Variants in SCFD2 observed in about 807,000 individuals in gnomAD.
The protein encoded by SCFD2 is sec1 family domain-containing protein 2.
Under a neutral mutation model 58.9 loss-of-function variants are expected in SCFD2, and 54 were observed. That is an observed-to-expected ratio of 0.92 (90% CI 0.74 to 1.15). SCFD2 has a LOEUF of 1.15. Among genes scored for constraint, SCFD2 ranks in the 50% most tolerant of loss-of-function variants. The pLI, the probability that SCFD2 is intolerant of heterozygous loss-of-function variation, is 0.00. For synonymous variants in SCFD2, 321 were observed against 335.9 expected (o/e 0.96, Z 0.49); for missense variants, 805 against 836.6 (o/e 0.96, Z 0.47).
intron 5 of SCFD2, among the ~76,000 whole-genome samples, chr4:52,990,648 A>G (rs1721594766): frequency 1.3e-5 from 2 of 152,242 alleles, no homozygotes; most frequent in African/African-American, 2.4e-5. Context: ...TTGGAATGTC[A>G]AATGTGTAAT....
chr4:53,009,339 A>C (rs1722046840), intron 5 of SCFD2, among the ~76,000 whole-genome samples: 1 of 152,232 alleles, frequency 6.6e-6, no homozygotes, highest in African/African-American at 2.4e-5. Context: ...TGGTCAAATG[A>C]GTTTGGTAAA....
At chr4:53,229,378 A>T (rs951415469) in intron 4 of SCFD2, among the ~76,000 whole-genome samples, 34 of 152,326 alleles carry the variant, frequency 2.2e-4, no homozygotes, top group African/African-American at 8.2e-4. Context: ...CTATACTACA[A>T]GGCTACAGTA....
At chr4:52,960,372 T>C (rs1028673490) in intron 5 of SCFD2, among the ~76,000 whole-genome samples, 11 of 150,438 alleles carry the variant, frequency 7.3e-5, no homozygotes, top group South Asian at 2.1e-4. Context: ...CTTCTTCTTT[T>C]TTTTTTTTTT....
chr4:53,213,139 A>G (rs969181091), intron 4 of SCFD2, among the ~76,000 whole-genome samples: 6 of 152,142 alleles, frequency 3.9e-5, no homozygotes, highest in Non-Finnish European at 8.8e-5. Context: ...GTGTAATGTG[A>G]AAAGCACTAC....
chr4:53,003,359 G>A lies in SCFD2; in HGVS notation c.1562-82489C>T, dbSNP rs1223793796. Among the ~76,000 whole-genome samples, 3 of 152,158 alleles carry A rather than the reference G, an allele frequency of 2.0e-5. No homozygotes were observed. In the East Asian group the frequency reaches 5.8e-4, roughly 29 times the overall value. On this transcript the variant is annotated intron_variant, in intron 5 of 8. Coordinates refer to ENST00000401642, the MANE Select transcript of SCFD2 (RefSeq NM_152540.4). The stretch of plus-strand genomic sequence containing the variant: ...AGTAGCCACATGTAGCTATTTACAT[G>A]TACATATGAAGTAATAAAATTACAC...
chr4:52,992,930 G>A (rs1356189071), intron 5 of SCFD2, among the ~76,000 whole-genome samples: 3 of 152,266 alleles, frequency 2.0e-5, no homozygotes, highest in African/African-American at 7.2e-5. Flanking sequence ...CCATGATGAC[G>A]ATGGCGGTTT....
chr4:53,114,914 G>A (rs1281842180), intron 5 of SCFD2, among the ~76,000 whole-genome samples: 1 of 151,980 alleles, frequency 6.6e-6, no homozygotes, highest in Non-Finnish European at 1.5e-5. Flanking sequence ...GTAAAATATT[G>A]ATTGTAAATA....
At chr4:52,885,635 G>T in intron 8 of SCFD2, 112 bp downstream of exon 8, 1 of 1,278,218 alleles carries the variant, frequency 7.8e-7, no homozygotes, top group Non-Finnish European at 1.1e-6. Context: ...CCAAGAGGGT[G>T]ATGGGCAGGC....
intron 5 of SCFD2, chr4:52,957,514 CG>C (rs1720738896): frequency 6.6e-6 from 1 of 152,202 alleles, no homozygotes; most frequent in South Asian, 2.1e-4. Context: ...TCACAAATCC[CG>C]GGTGACCCCT....
At chr4:52,892,840 C>A (rs1718909689) in intron 7 of SCFD2, among the ~76,000 whole-genome samples, 2 of 152,200 alleles carry the variant, frequency 1.3e-5, no homozygotes, top group Admixed American at 6.5e-5. Context: ...CAATGACTAG[C>A]ATACAAAAGA....
Position 53,019,208 on chromosome 4 carries a change from C to A in SCFD2, c.1562-98338G>T, listed in dbSNP as rs561865159. ...AAGGATGTTCAAAAGCTGGAAACAGCTGAAATGTACAAAAATAGGAAAATG... is the reference window on the plus strand; with the variant it reads ...AAGGATGTTCAAAAGCTGGAAACAGATGAAATGTACAAAAATAGGAAAATG... On this transcript the variant is annotated intron_variant, in intron 5 of 8. Transcript: ENST00000401642. Among the ~76,000 whole-genome samples, 9 of 152,008 alleles carry A rather than the reference C, an allele frequency of 5.9e-5. No homozygotes were observed. The South Asian group carries it at 1.0e-3, about 18-fold the overall frequency.
intron 5 of SCFD2, among the ~76,000 whole-genome samples, chr4:53,093,290 C>A (rs1724525104): frequency 6.6e-6 from 1 of 152,016 alleles, no homozygotes; most frequent in Non-Finnish European, 1.5e-5. Context: ...CATGTTTTGA[C>A]TTATATTTTT....
intron 7 of SCFD2, among the ~76,000 whole-genome samples, chr4:52,895,505 C>G (rs552381916): frequency 6.6e-6 from 1 of 152,254 alleles, no homozygotes; most frequent in Non-Finnish European, 1.5e-5. Context: ...ATGAACTCAT[C>G]CTTTTTTATG....
chr4:53,120,376 T>G (rs1296500334), intron 5 of SCFD2, among the ~76,000 whole-genome samples: 1 of 152,222 alleles, frequency 6.6e-6, no homozygotes, highest in Admixed American at 6.5e-5. Flanking sequence ...ATACTCATTT[T>G]GCAGATGAGA....
intron 5 of SCFD2, among the ~76,000 whole-genome samples, chr4:52,960,728 A>AAC (rs1244157188): frequency 1.5e-5 from 2 of 131,198 alleles, no homozygotes; most frequent in African/African-American, 5.9e-5. Context: ...ACACACACAC[A>AAC]ACACACACAC....
chr4:53,131,330 C>T (rs1421020607), intron 5 of SCFD2, among the ~76,000 whole-genome samples: 1 of 152,086 alleles, frequency 6.6e-6, no homozygotes, highest in South Asian at 2.1e-4. Context: ...AGATAGAAGG[C>T]CATGGGCCAA....
intron 5 of SCFD2, among the ~76,000 whole-genome samples, chr4:53,067,691 T>C (rs1156911738): frequency 1.6e-4 from 25 of 152,098 alleles, no homozygotes; most frequent in Non-Finnish European, 3.4e-4. Context: ...TCTGCCATGA[T>C]TGTAAGTTTC....
At chr4:53,302,237 A>G (rs961003183) in intron 3 of SCFD2, among the ~76,000 whole-genome samples, 3 of 152,248 alleles carry the variant, frequency 2.0e-5, no homozygotes, top group African/African-American at 7.2e-5. Flanking sequence ...TCAGCTGATA[A>G]GCAACTTCAG....
chr4:52,892,162 A>T (rs1411629866), intron 7 of SCFD2, among the ~76,000 whole-genome samples: 3 of 152,174 alleles, frequency 2.0e-5, no homozygotes, highest in Non-Finnish European at 4.4e-5. Flanking sequence ...CAATGTTAAC[A>T]CTGTCCATTC....
Sources: allele counts gnomAD v4.1 joint callset (sites outside exome capture counted in the v4.1 genomes callset), GRCh38; gene constraint gnomAD v4.1.1; transcripts MANE v1.5; gene names NCBI Gene and HGNC (gene_info 2026-07-23, HGNC 2026-07-21).